BCR: variants seen among roughly 807,000 people sequenced by gnomAD.
The protein encoded by BCR is BCR activator of RhoGEF and GTPase, also known as breakpoint cluster region protein.
In BCR, 58 loss-of-function variants were observed where a neutral mutation model predicts 138.6. The ratio of observed to expected loss-of-function variants is 0.42; its 90% CI spans 0.34 to 0.52. BCR has a LOEUF of 0.52. Among genes scored for constraint, BCR ranks in the 20% least tolerant of loss-of-function variants. The pLI is 0.06. For synonymous variants in BCR, 786 were observed against 730.1 expected (o/e 1.08, Z -1.23); for missense variants, 1,599 against 1,727.2 (o/e 0.93, Z 1.32).
chr22:23,263,741 A>G, intron 4 of BCR: 1 of 1,433,162 alleles, frequency 7.0e-7, no homozygotes, highest in Non-Finnish European at 9.8e-7. Context: ...AACTGTGTGG[A>G]TTGCAAAGGG....
In BCR at chr22:23,180,961, ATGG is replaced by A; in HGVS notation, c.5_7del (p.Val2?). On this transcript the variant is annotated start_lost and inframe_deletion, in exon 1 of 23. Transcript: ENST00000305877. ...CGGCGCAGGTAAGGCCGGCCGCGCC[ATGG>A]TGGACCCGGTGGGCTTCGCGGAGGC... The A allele has an allele frequency of 7.4e-7, 1 of 1,353,084 alleles. No individual in the cohort carries two copies. Among genetic ancestry groups the A allele is most frequent in the South Asian group, 1.8e-5 (1 of 55,442 alleles). 83.8% of individuals were successfully genotyped at this position (1,353,084 alleles called of 1,614,324 possible). A position where few individuals can be genotyped will look rare whatever the true frequency, so the allele number is the denominator to read the frequency against.
At position 23,181,883 on chromosome 22, in the gene BCR, G is replaced by T. The variant is rs750811897; in HGVS notation, c.923G>T (p.Arg308Leu). 6 of 1,613,186 alleles carry T rather than the reference G, an allele frequency of 3.7e-6. No homozygotes were observed. The highest frequency in any genetic ancestry group is 4.2e-6 in the Non-Finnish European group (5 of 1,179,954). Residue 308 changes from arginine to leucine, a missense_variant, in exon 1 of 23, where the codon CGC becomes CTC. Arg to Leu is a moderately radical substitution (Grantham distance 102). Transcript: ENST00000305877. ...CAGAGCACCTCTGAGCAGGAGAAGCGCCTTACCTGGCCCCGCAGGTCCTAC... is the reference window on the plus strand; with the variant it reads ...CAGAGCACCTCTGAGCAGGAGAAGCTCCTTACCTGGCCCCGCAGGTCCTAC... ...RSQSTSEQEK[R>L]LTWPRRSYSP...
At chr22:23,262,605 G>A (rs2073374252) in intron 4 of BCR, among the ~76,000 whole-genome samples, 1 of 152,218 alleles carries the variant, frequency 6.6e-6, no homozygotes, top group South Asian at 2.1e-4. Flanking sequence ...CTAGTGGAGG[G>A]TGGTGGCTCG....
At chr22:23,259,717 ATGTTG>A (rs1269408467) in intron 2 of BCR, among the ~76,000 whole-genome samples, 1 of 151,990 alleles carries the variant, frequency 6.6e-6, no homozygotes, top group Admixed American at 6.6e-5. Flanking sequence ...GGGTTTCACC[ATGTTG>A]GCCAAGGCTG....
chr22:23,248,477 G>A (rs919815935), intron 1 of BCR, among the ~76,000 whole-genome samples: 2 of 151,522 alleles, frequency 1.3e-5, no homozygotes, highest in Non-Finnish European at 2.9e-5. Flanking sequence ...GGATGTGACC[G>A]CAGCACCTAC....
At chr22:23,190,071 C>T (rs1286191752) in intron 1 of BCR, among the ~76,000 whole-genome samples, 1 of 152,194 alleles carries the variant, frequency 6.6e-6, no homozygotes, top group East Asian at 1.9e-4. Context: ...CTGGAGGGCT[C>T]TCATTGGCTT....
chr22:23,295,351 T>A (rs983010087), intron 16 of BCR, among the ~76,000 whole-genome samples, 196 bp downstream of exon 16: 1 of 152,174 alleles, frequency 6.6e-6, no homozygotes, highest in African/African-American at 2.4e-5. Context: ...TACCACCCTC[T>A]GTCTGCGTGT....
At chr22:23,217,350 C>T (rs922837728) in intron 1 of BCR, among the ~76,000 whole-genome samples, 2 of 152,210 alleles carry the variant, frequency 1.3e-5, no homozygotes, top group African/African-American at 4.8e-5. Flanking sequence ...ACCTCTGCAG[C>T]CTGGCCTTCG....
At chr22:23,294,380 G>A (rs914649109) in intron 15 of BCR, among the ~76,000 whole-genome samples, 6 of 152,214 alleles carry the variant, frequency 3.9e-5, no homozygotes, top group Non-Finnish European at 4.4e-5. Flanking sequence ...TGCATCGACA[G>A]ATCATTATCT....
intron 1 of BCR, among the ~76,000 whole-genome samples, chr22:23,226,330 G>C: frequency 2.7e-5 from 1 of 37,224 alleles, no homozygotes; most frequent in South Asian, 1.0e-3. Flanking sequence ...GAGAGAGAGT[G>C]TGTGTGTGTG....
intron 16 of BCR, among the ~76,000 whole-genome samples, chr22:23,301,767 G>A (rs1048183446): frequency 3.3e-5 from 5 of 152,272 alleles, no homozygotes; most frequent in African/African-American, 7.2e-5. Flanking sequence ...GGACCCCCCC[G>A]CCAGGCATGG....
chr22:23,186,991 C>T (rs1403998516), intron 1 of BCR, among the ~76,000 whole-genome samples: 1 of 152,246 alleles, frequency 6.6e-6, no homozygotes, highest in Non-Finnish European at 1.5e-5. Flanking sequence ...CCGTCTTGGC[C>T]TCCCAGAGTG....
At chr22:23,295,340 G>A (rs1027246907) in intron 16 of BCR, among the ~76,000 whole-genome samples, 185 bp downstream of exon 16, 6 of 152,122 alleles carry the variant, frequency 3.9e-5, no homozygotes, top group African/African-American at 1.4e-4. Context: ...GGGTCTTGAC[G>A]TACCACCCTC....
chr22:23,180,954 C>A lies in BCR; in HGVS notation c.-7C>A. The A allele has an allele frequency of 7.7e-7, 1 of 1,298,452 alleles. No individual in the cohort carries two copies. Among genetic ancestry groups the A allele is most frequent in the Admixed American group, 2.8e-5 (1 of 35,538 alleles). The allele number at this position is 1,298,452 out of a possible 1,614,324, so 80.4% of individuals were successfully genotyped here. On this transcript the variant is annotated 5_prime_UTR_variant, in exon 1 of 23. Coordinates refer to ENST00000305877, the MANE Select transcript of BCR (RefSeq NM_004327.4). ...AGCCCGGCGGCGCAGGTAAGGCCGG[C>A]CGCGCCATGGTGGACCCGGTGGGCT...
chr22:23,203,684 T>C (rs147335526), intron 1 of BCR, among the ~76,000 whole-genome samples: 22 of 152,274 alleles, frequency 1.4e-4, no homozygotes, highest in Middle Eastern at 3.4e-3. Flanking sequence ...AGCGCTGTGG[T>C]TCTTGGTAGG....
At chr22:23,307,365 A>G (rs943468179) in intron 16 of BCR, among the ~76,000 whole-genome samples, 2 of 151,712 alleles carry the variant, frequency 1.3e-5, no homozygotes, top group Non-Finnish European at 2.9e-5. Flanking sequence ...CGGCCTTTCA[A>G]AGTGCTGATA....
intron 1 of BCR, among the ~76,000 whole-genome samples, chr22:23,238,087 A>G (rs2073046283): frequency 6.6e-6 from 1 of 151,510 alleles, no homozygotes; most frequent in Non-Finnish European, 1.5e-5. Flanking sequence ...TCCCCATTTC[A>G]TTGGTGGGAA....
At chr22:23,229,072 C>T (rs752043697) in intron 1 of BCR, among the ~76,000 whole-genome samples, 3 of 152,094 alleles carry the variant, frequency 2.0e-5, no homozygotes, top group Non-Finnish European at 4.4e-5. Flanking sequence ...TTTTCTCTCT[C>T]TTATTTAGAT....
At chr22:23,258,749 G>T (rs968347169) in intron 2 of BCR, among the ~76,000 whole-genome samples, 8 of 152,236 alleles carry the variant, frequency 5.3e-5, no homozygotes, top group Non-Finnish European at 1.5e-5. Context: ...ATGCCACCCA[G>T]CCCCTGACAG....
Sources: allele counts gnomAD v4.1 joint callset (sites outside exome capture counted in the v4.1 genomes callset), GRCh38; gene constraint gnomAD v4.1.1; transcripts MANE v1.5; gene names NCBI Gene and HGNC (gene_info 2026-07-23, HGNC 2026-07-21).